The following GALNT17 variants were observed in gnomAD, a reference collection of about 807,000 sequenced individuals.
GALNT17 encodes the protein UDP-GalNAc:polypeptide N-acetylgalactosaminyltransferase-like 3.
Under a neutral mutation model 63.7 loss-of-function variants are expected in GALNT17, and 29 were observed. That is an observed-to-expected ratio of 0.46 (90% CI 0.34 to 0.62). The LOEUF (loss-of-function observed/expected upper bound fraction) is 0.62. Among genes scored for constraint, GALNT17 ranks in the 20% least tolerant of loss-of-function variants. The pLI, the probability that GALNT17 is intolerant of heterozygous loss-of-function variation, is 0.01. For missense variants in GALNT17, 603 were observed against 799.6 expected, an observed-to-expected ratio of 0.75 and a Z score of 2.97; for synonymous variants, 305 against 318.3, an observed-to-expected ratio of 0.96 and a Z score of 0.45.
intron 1 of GALNT17, among the ~76,000 whole-genome samples, chr7:71,259,648 T>G (rs1468770087): frequency 2.1e-5 from 3 of 145,586 alleles, no homozygotes; most frequent in Admixed American, 6.7e-5. Context: ...GTTTTTTTGT[T>G]TTTTTTTTTT....
intron 9 of GALNT17, among the ~76,000 whole-genome samples, chr7:71,678,749 C>T (rs994897786): frequency 2.7e-5 from 4 of 150,484 alleles, no homozygotes; most frequent in Non-Finnish European, 4.4e-5. Flanking sequence ...GAGCCAAGAT[C>T]GCAACACTGC....
At chr7:71,538,864 T>G in intron 5 of GALNT17, among the ~76,000 whole-genome samples, 2 of 145,598 alleles carry the variant, frequency 1.4e-5, no homozygotes, top group African/African-American at 5.1e-5. Flanking sequence ...GAGGGAGGGA[T>G]GGTGGGAGAG....
intron 6 of GALNT17, among the ~76,000 whole-genome samples, chr7:71,610,117 C>G (rs1790103284): frequency 6.6e-6 from 1 of 151,968 alleles, no homozygotes; most frequent in Admixed American, 6.6e-5. Context: ...ATTCTCCGAT[C>G]ACAATATAAT....
intron 6 of GALNT17, among the ~76,000 whole-genome samples, chr7:71,626,813 C>A (rs781513047): frequency 2.0e-5 from 3 of 152,174 alleles, no homozygotes; most frequent in Non-Finnish European, 2.9e-5. Flanking sequence ...TCATGCTGAG[C>A]CTCGCAGAGG....
chr7:71,406,593 T>G (rs1793332459), intron 3 of GALNT17, among the ~76,000 whole-genome samples: 1 of 152,160 alleles, frequency 6.6e-6, no homozygotes, highest in African/African-American at 2.4e-5. Context: ...TTTCGTTCAT[T>G]TTTAAAGATA....
chr7:71,300,891 G>A (rs1791183910), intron 1 of GALNT17: 1 of 153,062 alleles, frequency 6.5e-6, no homozygotes, highest in East Asian at 1.9e-4. Context: ...GAGGGCCTTG[G>A]AAGCTGGACT....
intron 6 of GALNT17, among the ~76,000 whole-genome samples, chr7:71,574,693 A>G (rs1789506429): frequency 6.6e-6 from 1 of 152,142 alleles, no homozygotes; most frequent in Non-Finnish European, 1.5e-5. Flanking sequence ...ACTTGTTAGA[A>G]GTGAAAATTC....
intron 5 of GALNT17, among the ~76,000 whole-genome samples, chr7:71,544,124 CTTTTTTTTTTT>C (rs60144462): frequency 3.8e-5 from 5 of 132,424 alleles, no homozygotes; most frequent in South Asian, 2.5e-4. Context: ...TTTCTTTTTT[CTTTTTTTTTTT>C]TTTTTTTTTT....
In GALNT17 at chr7:71,480,074, C is replaced by T. The variant is rs116423464; in HGVS notation, c.962+58969C>T. The stretch of plus-strand genomic sequence containing the variant: ...CTTGTTTTCAAGGCCACACTAACCC[C>T]AGTTGGGCTGAGATTAAAATGAGGT... On this transcript the variant is annotated intron_variant, in intron 5 of 10. Transcript: ENST00000333538. Among the ~76,000 whole-genome samples, 463 of 151,808 alleles carry T rather than the reference C, an allele frequency of 3.0e-3. 5 individuals carry two copies. The highest frequency in any genetic ancestry group is 0.011 in the African/African-American group (453 of 41,362).
intron 6 of GALNT17, among the ~76,000 whole-genome samples, chr7:71,603,401 G>A (rs530241892): frequency 4.2e-4 from 62 of 148,534 alleles, no homozygotes; most frequent in African/African-American, 1.3e-3. Flanking sequence ...TGTTAAGTGC[G>A]TACTCTGGAT....
chr7:71,397,281 C>T (rs1211933948), intron 3 of GALNT17, among the ~76,000 whole-genome samples: 1 of 152,136 alleles, frequency 6.6e-6, no homozygotes, highest in African/African-American at 2.4e-5. Context: ...ACATGGGACT[C>T]ACCATAGTGG....
chr7:71,493,429 A>ATAT (rs1788042452), intron 5 of GALNT17, among the ~76,000 whole-genome samples: 1 of 152,206 alleles, frequency 6.6e-6, no homozygotes, highest in South Asian at 2.1e-4. Context: ...AAGACTGGGT[A>ATAT]ATTTATAAAG....
chr7:71,419,850 T>C (rs1786627452), intron 4 of GALNT17, among the ~76,000 whole-genome samples: 1 of 152,212 alleles, frequency 6.6e-6, no homozygotes, highest in Non-Finnish European at 1.5e-5. Context: ...GCTTATATGG[T>C]GTGTGCAGAA....
At chr7:71,274,164 G>T (rs1790642936) in intron 1 of GALNT17, among the ~76,000 whole-genome samples, 1 of 152,232 alleles carries the variant, frequency 6.6e-6, no homozygotes, top group Admixed American at 6.5e-5. Flanking sequence ...TGGATTTCAA[G>T]TTAGCAGCAT....
chr7:71,633,398 G>C (rs1790485044), intron 6 of GALNT17, among the ~76,000 whole-genome samples: 1 of 152,192 alleles, frequency 6.6e-6, no homozygotes, highest in African/African-American at 2.4e-5. Flanking sequence ...AGGCTACGCA[G>C]TTTGTCCTGG....
Position 71,132,887 on chromosome 7 carries a change from C to G in GALNT17, c.85C>G (p.Arg29Gly). 1 of 1,613,014 alleles carries G rather than the reference C, an allele frequency of 6.2e-7. No homozygotes were observed. Among genetic ancestry groups the G allele is most frequent in the Non-Finnish European group, 8.5e-7 (1 of 1,179,538 alleles). Residue 29 changes from arginine (R) to glycine (G), a missense_variant, in exon 1 of 11, where the codon CGG becomes GGG. Coordinates refer to ENST00000333538, the MANE Select transcript of GALNT17 (RefSeq NM_022479.3). ...AGFVLFLAKC[R>G]PIAVRSGDAF... ...CTTCGTGCTCTTCCTGGCCAAGTGC[C>G]GGCCCATCGCGGTGCGCAGCGGAGA...
chr7:71,287,261 T>G (rs953078933), intron 1 of GALNT17, among the ~76,000 whole-genome samples: 2 of 151,906 alleles, frequency 1.3e-5, no homozygotes, highest in Non-Finnish European at 2.9e-5. Flanking sequence ...TGGCTAATTT[T>G]TGTATTTTTG....
At position 71,217,046 on chromosome 7, in the gene GALNT17, C is replaced by G. The variant is rs573697093; in HGVS notation, c.238+84006C>G. 2.0e-5 allele frequency among the ~76,000 whole-genome samples: 3 copies of G among 152,062 alleles called. No homozygotes were observed. In the South Asian group the frequency reaches 6.2e-4, roughly 32 times the overall value. The stretch of plus-strand genomic sequence containing the variant: ...TGGTGTGATCTTGGCTCACTGCAGC[C>G]TCAACCTTCTCAGCTCCAGTGATCC... On this transcript the variant is annotated intron_variant, in intron 1 of 10. Coordinates refer to ENST00000333538, the MANE Select transcript of GALNT17 (RefSeq NM_022479.3).
intron 5 of GALNT17, among the ~76,000 whole-genome samples, chr7:71,440,374 ATTTTTT>A (rs11297830): frequency 8.1e-6 from 1 of 123,246 alleles, no homozygotes. Context: ...TTCTTTCTTA[ATTTTTT>A]TTTTTTTTTT....
Sources: allele counts gnomAD v4.1 joint callset (sites outside exome capture counted in the v4.1 genomes callset), GRCh38; gene constraint gnomAD v4.1.1; transcripts MANE v1.5; gene names NCBI Gene and HGNC (gene_info 2026-07-23, HGNC 2026-07-21).